KDM5B: variants seen among roughly 807,000 people sequenced by gnomAD.
KDM5B encodes lysine-specific demethylase 5B.
In KDM5B, 144 loss-of-function variants were observed where a neutral mutation model predicts 193.4. The ratio of observed to expected loss-of-function variants is 0.74; its 90% CI spans 0.65 to 0.86. The LOEUF (loss-of-function observed/expected upper bound fraction) is 0.86. Among genes scored for constraint, KDM5B ranks in the 40% least tolerant of loss-of-function variants. The pLI, the probability that KDM5B is intolerant of heterozygous loss-of-function variation, is 0.00. For missense variants in KDM5B, 1,833 were observed against 1,886.9 expected (o/e 0.97, Z 0.53); for synonymous variants, 668 against 682.6 (o/e 0.98, Z 0.33).
chr1:202,799,740 C>T (rs1658000394), intron 1 of KDM5B, among the ~76,000 whole-genome samples: 1 of 151,984 alleles, frequency 6.6e-6, no homozygotes, highest in South Asian at 2.1e-4. Context: ...TGATAAACCT[C>T]TTTTTTATCC....
rs758503459 is a variant in KDM5B at position 202,730,913 on chromosome 1, T to A, written c.4172A>T (p.Glu1391Val). 1 of 1,597,186 alleles carries A rather than the reference T, an allele frequency of 6.3e-7. No homozygotes were observed. The highest frequency in any genetic ancestry group is 8.6e-7 in the Non-Finnish European group (1 of 1,169,298). ...AGAAGCCTCTCAGACACTCACCTTC[T>A]CACTGCTGGGTCTCACTGGTGAGCT... ...DRSSPVRPSS[E>V]KNDCCRGKRD... The change falls in exon 25 of 27, where the codon GAG becomes GTG. Residue 1391 changes from glutamate (E) to valine (V), a missense_variant. Around this residue, in one of 3 missense-constraint regions of KDM5B, gnomAD observed 1,379 missense variants for 1,349.6 expected, o/e 1.02. Coordinates refer to ENST00000367265, the MANE Select transcript of KDM5B (RefSeq NM_006618.5).
chr1:202,753,915 C>T (rs903349052), intron 11 of KDM5B, among the ~76,000 whole-genome samples: 26 of 152,200 alleles, frequency 1.7e-4, no homozygotes, highest in Admixed American at 1.6e-3. Context: ...GTGAACCGCC[C>T]GCCTCAGCTT....
intron 1 of KDM5B, among the ~76,000 whole-genome samples, 185 bp from the exon 2 acceptor site, chr1:202,777,279 C>G (rs1414653411): frequency 2.0e-5 from 3 of 150,884 alleles, no homozygotes; most frequent in Non-Finnish European, 4.4e-5. Flanking sequence ...AACACCCTTT[C>G]CCAAATAAAT....
At chr1:202,804,345 C>T (rs1658198834) in intron 1 of KDM5B, among the ~76,000 whole-genome samples, 1 of 151,860 alleles carries the variant, frequency 6.6e-6, no homozygotes, top group African/African-American at 2.4e-5. Flanking sequence ...CTTAAAGTGG[C>T]CAAAGATACA....
intron 1 of KDM5B, among the ~76,000 whole-genome samples, chr1:202,786,671 T>C (rs1657427437): frequency 1.3e-5 from 2 of 152,210 alleles, no homozygotes. Context: ...GCATGTTCTT[T>C]TATTGGGGCA....
chr1:202,807,549 GGCCGCTCCGGGCCGAC>G (rs1348927710), intron 1 of KDM5B, among the ~76,000 whole-genome samples: 1 of 151,962 alleles, frequency 6.6e-6, no homozygotes, highest in African/African-American at 2.4e-5. Context: ...CCCAGGTGAG[GGCCGCTCCGGGCCGAC>G]GCCGCCACCA....
intron 3 of KDM5B, among the ~76,000 whole-genome samples, chr1:202,774,406 T>C (rs1028838325): frequency 9.9e-5 from 15 of 152,112 alleles, no homozygotes; most frequent in Non-Finnish European, 2.1e-4. Context: ...CCACCATGCC[T>C]AATTTCCAAA....
chr1:202,738,863 T>C (rs771186519), intron 20 of KDM5B, among the ~76,000 whole-genome samples: 1 of 152,248 alleles, frequency 6.6e-6, no homozygotes, highest in Non-Finnish European at 1.5e-5. Flanking sequence ...ATGCTACAAG[T>C]GAATTTAATT....
In KDM5B at chr1:202,742,394, T is replaced by C; in HGVS notation, c.2586A>G (p.Leu862=). The C allele has an allele frequency of 1.2e-6, 2 of 1,609,188 alleles. No individual in the cohort carries two copies. The highest frequency in any genetic ancestry group is 1.7e-6 in the Non-Finnish European group (2 of 1,175,518). The change falls in exon 18 of 27, where the codon CTA becomes CTG. Residue 862 remains leucine, a synonymous_variant. Coordinates refer to ENST00000367265, the MANE Select transcript of KDM5B (RefSeq NM_006618.5). ...LPCVLSQTPL[L]KDLLNRVEDF... is the part of the protein sequence containing the mutation. Reference sequence around the variant, plus strand: ...CCACACATCCCTCTATGGTTACCTTTAGTAATGGTGTCTGACTGAGGACAC... The same window carrying C: ...CCACACATCCCTCTATGGTTACCTTCAGTAATGGTGTCTGACTGAGGACAC...
chr1:202,784,862 A>C (rs1657341813), intron 1 of KDM5B, among the ~76,000 whole-genome samples: 1 of 152,106 alleles, frequency 6.6e-6, no homozygotes, highest in South Asian at 2.1e-4. Flanking sequence ...GGCAAAACCA[A>C]GTCTCTACAA....
chr1:202,740,860 T>C, intron 19 of KDM5B, 48 bp from the exon 20 acceptor site: 1 of 1,548,382 alleles, frequency 6.5e-7, no homozygotes, highest in Non-Finnish European at 8.8e-7. Flanking sequence ...TGATGGTTCA[T>C]TTTTCTTATG....
chr1:202,730,994 T>G lies in KDM5B; in HGVS notation c.4091A>C (p.Gln1364Pro). The change falls in exon 25 of 27, where the codon CAG becomes CCG. Residue 1364 changes from glutamine (Q) to proline (P), a missense_variant. Physicochemically the swap from Gln to Pro is moderately conservative, Grantham distance 76 (BLOSUM62 -1). Coordinates refer to ENST00000367265, the MANE Select transcript of KDM5B (RefSeq NM_006618.5). ...TGCAAGTAAAGTCTGGTAAAGTTCC[T>G]GAATTTCAGGAAGGGATACCTGGAG... Reference protein sequence around the residue: ...QLLQVSLPEIQELYQTLLAKP... With the variant: ...QLLQVSLPEIPELYQTLLAKP... 6 of 1,613,842 alleles carry G rather than the reference T, an allele frequency of 3.7e-6. No individual in the cohort carries two copies. Among genetic ancestry groups the G allele is most frequent in the Non-Finnish European group, 5.1e-6 (6 of 1,179,822 alleles).
chr1:202,738,729 T>G (rs1425236409), intron 20 of KDM5B, among the ~76,000 whole-genome samples: 1 of 152,196 alleles, frequency 6.6e-6, no homozygotes, highest in Non-Finnish European at 1.5e-5. Context: ...ACCTATTGGT[T>G]TATGATGATA....
intron 4 of KDM5B, chr1:202,767,382 C>T (rs1656513819): frequency 1.3e-6 from 2 of 1,507,446 alleles, no homozygotes; most frequent in Non-Finnish European, 9.2e-7. Flanking sequence ...TCCTACGGAC[C>T]ACAGAGGCTG....
Position 202,753,015 on chromosome 1 carries a change from C to T in KDM5B, c.1591G>A (p.Glu531Lys). 2 of 1,614,116 alleles carry T rather than the reference C, an allele frequency of 1.2e-6. No homozygotes were observed. Among genetic ancestry groups the T allele is most frequent in the Non-Finnish European group, 1.7e-6 (2 of 1,180,006 alleles). The change falls in exon 12 of 27, where the codon GAA becomes AAA. Residue 531 changes from glutamate (E) to lysine (K), a missense_variant. This residue lies in a region of KDM5B where 1,379 missense variants were observed against 1,349.6 expected (regional missense o/e 1.02). Transcript: ENST00000367265. ...GGAGCTAGTTTCTTCATTACATTTT[C>T]TAGCTGCTCAGCAGCATACCCTGGG... Reference protein sequence around the residue: ...GVPGYAAEQLENVMKKLAPEL... With the variant: ...GVPGYAAEQLKNVMKKLAPEL...
intron 9 of KDM5B, among the ~76,000 whole-genome samples, chr1:202,757,331 C>A (rs1656063815): frequency 6.6e-6 from 1 of 152,116 alleles, no homozygotes; most frequent in Non-Finnish European, 1.5e-5. Flanking sequence ...TGGGGACTTC[C>A]AGTATATATG....
chr1:202,740,711 C>G lies in KDM5B; in HGVS notation c.3047G>C (p.Arg1016Thr). The G allele has an allele frequency of 6.2e-7, 1 of 1,612,900 alleles. No individual in the cohort carries two copies. The highest frequency in any genetic ancestry group is 8.5e-7 in the Non-Finnish European group (1 of 1,179,932). Residue 1016 changes from arginine (R) to threonine (T), a missense_variant, in exon 20 of 27, where the codon AGA becomes ACA. Arg to Thr is a moderately conservative substitution (Grantham distance 71). Transcript: ENST00000367265. ...NGAALKDSVQRARDWLQDVEG... is the reference protein window; with the variant it reads ...NGAALKDSVQTARDWLQDVEG... ...TACATCCTGAAGCCAGTCTCTGGCT[C>G]TCTGCACTGAGTCTTTCAGAGCCGC...
chr1:202,790,127 T>C (rs1438365300), intron 1 of KDM5B, among the ~76,000 whole-genome samples: 1 of 152,052 alleles, frequency 6.6e-6, no homozygotes, highest in East Asian at 1.9e-4. Context: ...TAGCTGGGCA[T>C]GGTGGCACAC....
rs765145268 is a variant in KDM5B, at chr1:202,808,159, G to A, written c.147C>T (p.Ile49=). The A allele has an allele frequency of 1.2e-6, 2 of 1,613,210 alleles. No individual in the cohort carries two copies. Among genetic ancestry groups the A allele is most frequent in the Non-Finnish European group, 1.7e-6 (2 of 1,179,580 alleles). ...WEEFADPFAF[I]HKIRPIAEQT... The stretch of plus-strand genomic sequence containing the variant: ...GCTCGGCTATGGGCCGGATCTTGTG[G>A]ATGAAAGCGAAGGGGTCCGCGAACT... The change falls in exon 1 of 27, where the codon ATC becomes ATT. Residue 49 remains isoleucine, a synonymous_variant. Coordinates refer to ENST00000367265, the MANE Select transcript of KDM5B (RefSeq NM_006618.5).
Sources: allele counts gnomAD v4.1 joint callset (sites outside exome capture counted in the v4.1 genomes callset), GRCh38; gene constraint gnomAD v4.1.1; regional missense constraint gnomAD v4.1.1; transcripts MANE v1.5; gene names NCBI Gene and HGNC (gene_info 2026-07-23, HGNC 2026-07-21).